Variants in MTA3 observed in about 807,000 individuals in gnomAD.
MTA3 encodes the protein metastasis-associated protein MTA3.
Under a neutral mutation model 83.5 loss-of-function variants are expected in MTA3, and 34 were observed. The observed-to-expected ratio is 0.41, with a 90% CI of 0.31 to 0.54. MTA3 has a LOEUF of 0.54. MTA3 is among the 20% of genes least tolerant of loss of function. The pLI is 0.33. For missense variants in MTA3, 761 were observed against 726.4 expected, an observed-to-expected ratio of 1.05 and a Z score of -0.55; for synonymous variants, 303 against 252.7, an observed-to-expected ratio of 1.20 and a Z score of -1.89.
intron 2 of MTA3, among the ~76,000 whole-genome samples, chr2:42,532,383 G>T (rs1381452067): frequency 2.6e-5 from 4 of 152,082 alleles, no homozygotes; most frequent in African/African-American, 9.7e-5. Context: ...CATGGCGGGT[G>T]ACTGTAATCC....
intron 3 of MTA3, among the ~76,000 whole-genome samples, chr2:42,605,867 G>T (rs1335572263): frequency 1.5e-5 from 2 of 129,876 alleles, no homozygotes; most frequent in Non-Finnish European, 3.3e-5. Flanking sequence ...CCTCCTGGAC[G>T]GGGCGGTTGG....
intron 2 of MTA3, among the ~76,000 whole-genome samples, chr2:42,519,624 A>G (rs1380988823): frequency 6.6e-6 from 1 of 151,248 alleles, no homozygotes; most frequent in Admixed American, 6.6e-5. Context: ...AAAAACAAGG[A>G]AAGAGCCAGA....
intron 6 of MTA3, among the ~76,000 whole-genome samples, chr2:42,651,290 T>C (rs144853023): frequency 3.6e-4 from 55 of 152,360 alleles, no homozygotes; most frequent in African/African-American, 1.3e-3. Flanking sequence ...AGGACATTAC[T>C]GTAGACTTTA....
At chr2:42,562,359 G>A (rs1677709787) in intron 2 of MTA3, among the ~76,000 whole-genome samples, 1 of 152,076 alleles carries the variant, frequency 6.6e-6, no homozygotes, top group South Asian at 2.1e-4. Context: ...GAATGAGTCA[G>A]ATTTGCTTTT....
intron 4 of MTA3, among the ~76,000 whole-genome samples, chr2:42,638,710 T>G (rs959426233): frequency 1.4e-4 from 21 of 151,832 alleles, no homozygotes; most frequent in African/African-American, 5.1e-4. Context: ...TGTTAATTTT[T>G]TTTTTTTTTT....
intron 12 of MTA3, among the ~76,000 whole-genome samples, chr2:42,704,737 A>G (rs776889526): frequency 2.0e-5 from 3 of 152,178 alleles, no homozygotes; most frequent in Non-Finnish European, 4.4e-5. Flanking sequence ...AAGCTGCTGT[A>G]TATAATCCTC....
intron 2 of MTA3, among the ~76,000 whole-genome samples, chr2:42,495,647 TA>T (rs1305424857): frequency 6.6e-6 from 1 of 152,162 alleles, no homozygotes; most frequent in East Asian, 1.9e-4. Flanking sequence ...TGAAGAAGTA[TA>T]ATGCACTTGC....
intron 2 of MTA3, among the ~76,000 whole-genome samples, chr2:42,550,253 A>G (rs368713007): frequency 5.4e-4 from 82 of 152,338 alleles, no homozygotes; most frequent in African/African-American, 1.9e-3. Context: ...AATTATGGCC[A>G]CAGTGCATGA....
intron 16 of MTA3, among the ~76,000 whole-genome samples, chr2:42,727,731 A>C (rs1018247159): frequency 6.6e-6 from 1 of 152,170 alleles, no homozygotes; most frequent in African/African-American, 2.4e-5. Flanking sequence ...CTCCTCTATA[A>C]ATCTGTAGAA....
chr2:42,506,580 G>T (rs1674638792), intron 2 of MTA3, among the ~76,000 whole-genome samples: 1 of 151,884 alleles, frequency 6.6e-6, no homozygotes, highest in Non-Finnish European at 1.5e-5. Context: ...AAATAGAGAG[G>T]TGTAGGCGGG....
chr2:42,698,239 G>A (rs750384755), intron 11 of MTA3, among the ~76,000 whole-genome samples: 3 of 152,042 alleles, frequency 2.0e-5, no homozygotes, highest in Admixed American at 1.3e-4. Flanking sequence ...TTGTTTTCTT[G>A]GTTCCAATGG....
chr2:42,605,871 C>T (rs1333911875), intron 3 of MTA3, among the ~76,000 whole-genome samples: 15 of 118,446 alleles, frequency 1.3e-4, no homozygotes, highest in East Asian at 2.8e-4. Flanking sequence ...CTGGACGGGG[C>T]GGTTGGCCGG....
At chr2:42,584,496 C>T (rs1680035018) in intron 3 of MTA3, among the ~76,000 whole-genome samples, 1 of 151,712 alleles carries the variant, frequency 6.6e-6, no homozygotes, top group Non-Finnish European at 1.5e-5. Context: ...TGCAAATATA[C>T]ATATATTATT....
chr2:42,538,932 G>A (rs1339791336), intron 2 of MTA3, among the ~76,000 whole-genome samples: 2 of 149,204 alleles, frequency 1.3e-5, no homozygotes, highest in East Asian at 2.0e-4. Context: ...CCGCCACCGT[G>A]CCCGGCTAAT....
At chr2:42,616,366 A>C (rs547958189) in intron 4 of MTA3, among the ~76,000 whole-genome samples, 3 of 148,642 alleles carry the variant, frequency 2.0e-5, no homozygotes, top group African/African-American at 7.5e-5. Context: ...CGCCTGGCCT[A>C]GGTGGTTCTA....
chr2:42,510,272 G>C (rs955771167), intron 2 of MTA3, among the ~76,000 whole-genome samples: 1 of 149,306 alleles, frequency 6.7e-6, no homozygotes, highest in African/African-American at 2.5e-5. Context: ...GTTGCAGTGA[G>C]CTGAGATTGC....
At chr2:42,552,598 T>C (rs1188359938) in intron 2 of MTA3, among the ~76,000 whole-genome samples, 1 of 139,552 alleles carries the variant, frequency 7.2e-6, no homozygotes, top group Non-Finnish European at 1.5e-5. Flanking sequence ...CACTACCACC[T>C]GGGTGATGGA....
At chr2:42,645,494 C>T (rs919863101) in intron 6 of MTA3, among the ~76,000 whole-genome samples, 5 of 151,768 alleles carry the variant, frequency 3.3e-5, no homozygotes, top group African/African-American at 1.2e-4. Flanking sequence ...CACTGCACTC[C>T]AGCTTGGGCA....
intron 2 of MTA3, among the ~76,000 whole-genome samples, chr2:42,506,449 G>T (rs1304495066): frequency 6.6e-6 from 1 of 151,674 alleles, no homozygotes; most frequent in Non-Finnish European, 1.5e-5. Flanking sequence ...GTGAGACCTT[G>T]TCTCAAATAT....
Sources: gnomAD v4.1 joint callset for allele counts (sites outside exome capture counted in the v4.1 genomes callset) on GRCh38, gnomAD v4.1.1 for gene constraint, MANE v1.5 for transcripts, NCBI Gene and HGNC (gene_info 2026-07-23, HGNC 2026-07-21) for gene names.